The following ANKRA2 variants were observed in gnomAD, a reference collection of about 807,000 sequenced individuals.
ANKRA2 encodes ankyrin repeat family A member 2.
In ANKRA2, 33 loss-of-function variants were observed where a neutral mutation model predicts 37.8. That is an observed-to-expected ratio of 0.87 (90% CI 0.66 to 1.17). The LOEUF is 1.17. Ranked by LOEUF, ANKRA2 falls within the 50% of genes most tolerant of loss-of-function variation. The probability of loss-of-function intolerance (pLI) is 0.00; values close to 1 mark genes in which losing one functional copy is unlikely to be tolerated. For missense variants in ANKRA2, 326 were observed against 373.7 expected, an observed-to-expected ratio of 0.87 and a Z score of 1.05; for synonymous variants, 126 against 132.3, an observed-to-expected ratio of 0.95 and a Z score of 0.33.
chr5:73,553,563 T>C, intron 7 of ANKRA2, 77 bp from the exon 8 acceptor site: 2 of 1,214,766 alleles, frequency 1.6e-6, no homozygotes, highest in South Asian at 1.3e-5. Flanking sequence ...CATGTACAAA[T>C]AGCTGGAGAG....
intron 1 of ANKRA2, 37 bp from the exon 2 acceptor site, chr5:73,563,022 C>T: frequency 1.3e-6 from 1 of 755,304 alleles, no homozygotes; most frequent in Non-Finnish European, 2.0e-6. Context: ...AGTATTCTAT[C>T]AGCTTAGGTA....
At chr5:73,557,554 T>A in intron 4 of ANKRA2, 21 bp downstream of exon 4, 3 of 1,522,344 alleles carry the variant, frequency 2.0e-6, no homozygotes, top group Non-Finnish European at 2.7e-6. Context: ...TTTGTTTAAA[T>A]ATTTTTAAAT....
rs1277985089 is a variant in ANKRA2, at chr5:73,565,458, G to A, written c.-431C>T. On this transcript the variant is annotated 5_prime_UTR_variant, in exon 1 of 9. Coordinates refer to ENST00000296785, the MANE Select transcript of ANKRA2 (RefSeq NM_023039.5). ...TTCCGATTTCTTCTTTCGCCTTCTG[G>A]CTAAAAAACGTTCCGCAGCAATGCA... The A allele has an allele frequency of 1.6e-5, 4 of 248,296 alleles. No homozygotes were observed. The highest frequency in any genetic ancestry group is 3.2e-5 in the Non-Finnish European group (4 of 123,864). The allele number at this position is 248,296 out of a possible 1,614,324, so 15.4% of individuals were successfully genotyped here. A position where few individuals can be genotyped will look rare whatever the true frequency, so the allele number is the denominator to read the frequency against.
Position 73,562,797 on chromosome 5 carries a change from C to T in ANKRA2, c.85G>A (p.Asp29Asn). Residue 29 changes from aspartate to asparagine, a missense_variant, in exon 2 of 9, where the codon GAC (aspartate) becomes AAC (asparagine). Coordinates refer to ENST00000296785, the MANE Select transcript of ANKRA2 (RefSeq NM_023039.5). Reference sequence around the variant, plus strand: ...TCCAGTGGATGTTCTATTTTAATGTCTGGCATGCCAGTTAGGCTATAAGTG... The same window carrying T: ...TCCAGTGGATGTTCTATTTTAATGTTTGGCATGCCAGTTAGGCTATAAGTG... ...PSTYSLTGMPDIKIEHPLDPN... is the reference protein window; with the variant it reads ...PSTYSLTGMPNIKIEHPLDPN... The T allele has an allele frequency of 6.2e-7, 1 of 1,614,152 alleles. No homozygotes were observed. The highest frequency in any genetic ancestry group is 8.5e-7 in the Non-Finnish European group (1 of 1,180,018).
intron 3 of ANKRA2, among the ~76,000 whole-genome samples, chr5:73,560,716 T>C (rs966279799): frequency 2.0e-5 from 3 of 152,222 alleles, no homozygotes; most frequent in East Asian, 1.9e-4. Flanking sequence ...ATAGTCACCA[T>C]TGTGTACAAC....
chr5:73,565,639 C>G lies in ANKRA2; in HGVS notation c.-612G>C, dbSNP rs192180757. The G allele has an allele frequency of 1.7e-5, 7 of 405,516 alleles. No homozygotes were observed. The highest frequency in any genetic ancestry group is 1.1e-4 in the Admixed American group (4 of 36,972). The allele number at this position is 405,516 out of a possible 1,614,324, so 25.1% of individuals were successfully genotyped here. On this transcript the variant is annotated 5_prime_UTR_variant, in exon 1 of 9. Coordinates refer to ENST00000296785, the MANE Select transcript of ANKRA2 (RefSeq NM_023039.5). Reference sequence around the variant, plus strand: ...TTCTGGGTCACCAGAGCAGAGGAAGCCCCAATTTCGCCCTCCGGTCACACC... The same window carrying G: ...TTCTGGGTCACCAGAGCAGAGGAAGGCCCAATTTCGCCCTCCGGTCACACC...
At position 73,562,786 on chromosome 5, in the gene ANKRA2, TA is replaced by T; in HGVS notation, c.95del (p.Ile32LysfsTer21). On this transcript the variant is annotated frameshift_variant, in exon 2 of 9. Transcript: ENST00000296785. LOFTEE classifies it high-confidence loss of function. The part of the protein sequence containing the change: ...YSLTGMPDIK[I>X]EHPLDPNSEE... ...CTGAATTTGGGTCCAGTGGATGTTC[TA>T]TTTTAATGTCTGGCATGCCAGTTAG... The T allele has an allele frequency of 6.2e-7, 1 of 1,614,226 alleles. No homozygotes were observed. The highest frequency in any genetic ancestry group is 8.5e-7 in the Non-Finnish European group (1 of 1,180,028).
intron 8 of ANKRA2, 152 bp downstream of exon 8, chr5:73,553,254 G>A: frequency 1.7e-6 from 1 of 595,516 alleles, no homozygotes; most frequent in South Asian, 2.7e-5. Flanking sequence ...GACTTTATAG[G>A]AATTTGTGGA....
At chr5:73,557,518 T>C in intron 4 of ANKRA2, 57 bp downstream of exon 4, 5 of 1,190,334 alleles carry the variant, frequency 4.2e-6, no homozygotes, top group Non-Finnish European at 5.7e-6. Context: ...AATAAAACAA[T>C]AACAAATCTA....
chr5:73,562,111 G>A (rs766200888), intron 2 of ANKRA2, among the ~76,000 whole-genome samples: 3 of 152,044 alleles, frequency 2.0e-5, no homozygotes, highest in Non-Finnish European at 4.4e-5. Flanking sequence ...CAGCCTCTGT[G>A]GTTCAAGCAA....
At chr5:73,555,930 C>T (rs553504041) in intron 4 of ANKRA2, among the ~76,000 whole-genome samples, 12 of 152,278 alleles carry the variant, frequency 7.9e-5, no homozygotes, top group African/African-American at 2.9e-4. Flanking sequence ...CCATGTGACC[C>T]TGGGCAAGAC....
intron 5 of ANKRA2, 34 bp from the exon 6 acceptor site, chr5:73,555,020 A>G (rs771166593): frequency 6.3e-7 from 1 of 1,592,420 alleles, no homozygotes; most frequent in East Asian, 2.2e-5. Context: ...AGACTTCTCA[A>G]TTAGTTTAAA....
chr5:73,557,601 A>G lies in ANKRA2; in HGVS notation c.488T>C (p.Leu163Pro), dbSNP rs769890640. 5.0e-6 allele frequency: 8 copies of G among 1,611,008 alleles called. No homozygotes were observed. The Admixed American group carries it at 1.3e-4, about 27-fold the overall frequency. The change falls in exon 4 of 9, where the codon CTC becomes CCC. Residue 163 changes from leucine to proline, a missense_variant. Leu to Pro is a moderately conservative substitution (Grantham distance 98). This residue lies in a region of ANKRA2 where 228 missense variants were observed against 260.2 expected (regional missense o/e 0.88). Coordinates refer to ENST00000296785, the MANE Select transcript of ANKRA2 (RefSeq NM_023039.5). Reference protein sequence around the residue: ...VHQLAAQGEMLYLATRIEQEN... With the variant: ...VHQLAAQGEMPYLATRIEQEN... ...TTGTTCGATACGAGTAGCCAGATAG[A>G]GCATCTCTCCCTGAGCAGCCAACTG...
chr5:73,564,504 C>G (rs1029986495), intron 1 of ANKRA2, among the ~76,000 whole-genome samples: 5 of 152,218 alleles, frequency 3.3e-5, no homozygotes, highest in Admixed American at 3.3e-4. Flanking sequence ...GTTTTCTGAT[C>G]TTAACTTTAA....
Position 73,562,972 on chromosome 5 carries a change from G to T in ANKRA2, c.-91C>A. 3 of 1,198,596 alleles carry T rather than the reference G, an allele frequency of 2.5e-6. No individual in the cohort carries two copies. Among genetic ancestry groups the T allele is most frequent in the Admixed American group, 3.0e-5 (1 of 33,890 alleles). The allele number at this position is 1,198,596 out of a possible 1,614,324, so 74.2% of individuals were successfully genotyped here. Reference sequence around the variant, plus strand: ...AGTATCCAGTGTGTTCTTGGAATCTGGATATTTAAAAATCTGAAAGAAAAA... The same window carrying T: ...AGTATCCAGTGTGTTCTTGGAATCTTGATATTTAAAAATCTGAAAGAAAAA... On this transcript the variant is annotated 5_prime_UTR_variant, in exon 2 of 9. Transcript: ENST00000296785.
Position 73,561,176 on chromosome 5 carries a change from GT to G in ANKRA2, c.401del (p.Asn134ThrfsTer14). On this transcript the variant is annotated frameshift_variant, in exon 3 of 9. Transcript: ENST00000296785. LOFTEE classifies it high-confidence loss of function. ...SPIKQSTTLTNKHRGNEVSTT... is the reference protein window; with the variant it reads ...SPIKQSTTLTXKHRGNEVSTT... ...TAGAGACCTCATTTCCTCTGTGTTT[GT>G]TGGTTAAAGTGGTTGACTGTTTTAT... The G allele has an allele frequency of 6.2e-7, 1 of 1,614,026 alleles. No individual in the cohort carries two copies. The highest frequency in any genetic ancestry group is 1.3e-5 in the African/African-American group (1 of 75,050).
chr5:73,554,949 C>T lies in ANKRA2; in HGVS notation c.650G>A (p.Ser217Asn). 1 of 1,613,694 alleles carries T rather than the reference C, an allele frequency of 6.2e-7. No homozygotes were observed. The highest frequency in any genetic ancestry group is 1.6e-4 in the Middle Eastern group (1 of 6,062). The change falls in exon 6 of 9, where the codon AGT (serine) becomes AAT (asparagine). Residue 217 changes from serine to asparagine, a missense_variant. Coordinates refer to ENST00000296785, the MANE Select transcript of ANKRA2 (RefSeq NM_023039.5). The part of the protein sequence containing the change: ...DPQLLGKGRE[S>N]ALSLACSKGY... ...TTTACTACAGGCCAACGACAGTGCA[C>T]TTTCTCGACCTTTTCCTAAAAGTTG...
intron 2 of ANKRA2, among the ~76,000 whole-genome samples, chr5:73,561,840 C>T (rs1490242492): frequency 6.6e-6 from 1 of 151,900 alleles, no homozygotes; most frequent in Non-Finnish European, 1.5e-5. Context: ...GTGATGTTAT[C>T]CTAAGAGAAT....
intron 1 of ANKRA2, among the ~76,000 whole-genome samples, 182 bp from the exon 2 acceptor site, chr5:73,563,167 T>G (rs192096009): frequency 6.6e-6 from 1 of 152,348 alleles, no homozygotes; most frequent in African/African-American, 2.4e-5. Flanking sequence ...ATTAATTAGC[T>G]GTGTGACCTG....
Sources: gnomAD v4.1 joint callset for allele counts (sites outside exome capture counted in the v4.1 genomes callset) on GRCh38, gnomAD v4.1.1 for gene constraint, gnomAD v4.1.1 regional missense constraint, MANE v1.5 for transcripts, NCBI Gene and HGNC (gene_info 2026-07-23, HGNC 2026-07-21) for gene names.